The following MCTP1 variants were observed in gnomAD, a reference collection of about 807,000 sequenced individuals.
The protein encoded by MCTP1 is multiple C2 and transmembrane domain-containing protein 1.
Under a neutral mutation model 120.6 loss-of-function variants are expected in MCTP1, and 69 were observed. The observed-to-expected ratio is 0.57, with a 90% CI of 0.47 to 0.70. The LOEUF (loss-of-function observed/expected upper bound fraction) is 0.70. Ranked by LOEUF, MCTP1 falls within the 30% of genes least tolerant of loss-of-function variation. The probability of loss-of-function intolerance (pLI) is 0.00; values close to 1 mark genes in which losing one functional copy is unlikely to be tolerated. For missense variants in MCTP1, 1,203 were observed against 1,248.8 expected (o/e 0.96, Z 0.55); for synonymous variants, 529 against 493.1 (o/e 1.07, Z -0.96).
At chr5:94,936,298 A>ATT (rs1816183149) in intron 5 of MCTP1, among the ~76,000 whole-genome samples, 1 of 151,984 alleles carries the variant, frequency 6.6e-6, no homozygotes, top group South Asian at 2.1e-4. Flanking sequence ...GACTTTATGT[A>ATT]TTATATATAT....
At chr5:95,082,100 AACACAATAG>A (rs1755017629) in intron 1 of MCTP1, among the ~76,000 whole-genome samples, 2 of 152,206 alleles carry the variant, frequency 1.3e-5, no homozygotes, top group African/African-American at 4.8e-5. Flanking sequence ...CATGCTTTAC[AACACAATAG>A]AATCTCCTTC....
At chr5:94,856,086 G>A (rs142130340) in intron 17 of MCTP1, among the ~76,000 whole-genome samples, 88 of 151,704 alleles carry the variant, frequency 5.8e-4, no homozygotes, top group African/African-American at 1.8e-3. Flanking sequence ...GCTGTTAATC[G>A]TTACCTGGGG....
intron 1 of MCTP1, among the ~76,000 whole-genome samples, chr5:95,139,716 T>C (rs1225198812): frequency 6.6e-6 from 1 of 152,228 alleles, no homozygotes; most frequent in Non-Finnish European, 1.5e-5. Flanking sequence ...AGAAGCTGTT[T>C]CCTTATGAAC....
At chr5:94,969,915 C>G (rs908873727) in intron 2 of MCTP1, among the ~76,000 whole-genome samples, 6 of 151,644 alleles carry the variant, frequency 4.0e-5, no homozygotes, top group Admixed American at 6.6e-5. Context: ...CTTGTTATGC[C>G]CTAGGATGGA....
At chr5:95,056,488 C>T (rs73138097) in intron 1 of MCTP1, among the ~76,000 whole-genome samples, 6,649 of 152,150 alleles carry the variant, frequency 0.044, 345 homozygotes, top group African/African-American at 0.12. Flanking sequence ...CATTTTAAAA[C>T]ATAAAACAAT....
chr5:94,731,645 T>C (rs1370163382), intron 19 of MCTP1, among the ~76,000 whole-genome samples: 1 of 152,086 alleles, frequency 6.6e-6, no homozygotes, highest in Non-Finnish European at 1.5e-5. Flanking sequence ...CTGTGCAGAG[T>C]TGATAGAAAT....
At chr5:94,837,261 G>A (rs976511216) in intron 17 of MCTP1, among the ~76,000 whole-genome samples, 2 of 152,060 alleles carry the variant, frequency 1.3e-5, no homozygotes, top group East Asian at 1.9e-4. Flanking sequence ...CACACCTGTA[G>A]TCCCAGCTGC....
chr5:94,737,257 A>G (rs1342012640), intron 19 of MCTP1, among the ~76,000 whole-genome samples: 1 of 152,186 alleles, frequency 6.6e-6, no homozygotes, highest in Admixed American at 6.5e-5. Flanking sequence ...GAAACAGTGC[A>G]AGTAATATGC....
In MCTP1 at chr5:94,706,657, A is replaced by ATATGGATATAGTTTCC. The variant is rs1754712893; in HGVS notation, c.*823_*838dup. 1.3e-5 allele frequency: 2 copies of ATATGGATATAGTTTCC among 151,556 alleles called. No individual in the cohort carries two copies. The highest frequency in any genetic ancestry group is 3.0e-5 in the Non-Finnish European group (2 of 67,752). The allele number at this position is 151,556 out of a possible 1,614,324, so 9.4% of individuals were successfully genotyped here. A position where few individuals can be genotyped will look rare whatever the true frequency, so the allele number is the denominator to read the frequency against. Reference sequence around the variant, plus strand: ...CAGATACAATCTGACACCAAAAGCGATATGGATATAGTTTCCTAGTATTTT... The same window carrying ATATGGATATAGTTTCC: ...CAGATACAATCTGACACCAAAAGCGATATGGATATAGTTTCCTATGGATATAGTTTCCTAGTATTTT... On this transcript the variant is annotated 3_prime_UTR_variant, in exon 23 of 23. Coordinates refer to ENST00000515393, the MANE Select transcript of MCTP1 (RefSeq NM_024717.7).
intron 1 of MCTP1, among the ~76,000 whole-genome samples, chr5:95,234,481 T>C (rs1387428469): frequency 6.6e-6 from 1 of 152,156 alleles, no homozygotes; most frequent in Non-Finnish European, 1.5e-5. Flanking sequence ...ATAGTTCAGA[T>C]ACCAGTACAA....
intron 17 of MCTP1, among the ~76,000 whole-genome samples, chr5:94,800,249 T>C (rs1780934489): frequency 6.6e-6 from 1 of 152,154 alleles, no homozygotes; most frequent in Non-Finnish European, 1.5e-5. Flanking sequence ...AGTCAACTAA[T>C]TATTGATTAA....
At chr5:94,988,596 TG>T (rs530808906) in intron 2 of MCTP1, among the ~76,000 whole-genome samples, 1,574 of 128,080 alleles carry the variant, frequency 0.012, 22 homozygotes, top group African/African-American at 0.047. Context: ...TCCCTGTGTG[TG>T]TTTTTTTTTT....
chr5:95,125,533 C>G (rs1045743351), intron 1 of MCTP1, among the ~76,000 whole-genome samples: 7 of 152,188 alleles, frequency 4.6e-5, no homozygotes, highest in African/African-American at 1.4e-4. Context: ...AAGACTTTCT[C>G]TAGCCAATCT....
chr5:94,847,713 G>A (rs1334339719), intron 17 of MCTP1, among the ~76,000 whole-genome samples: 4 of 145,082 alleles, frequency 2.8e-5, no homozygotes, highest in Admixed American at 1.4e-4. Flanking sequence ...TATGTATGTT[G>A]GGGGTGTAAA....
At chr5:95,001,138 C>A (rs916469999) in intron 2 of MCTP1, among the ~76,000 whole-genome samples, 2 of 152,350 alleles carry the variant, frequency 1.3e-5, no homozygotes, top group Non-Finnish European at 2.9e-5. Flanking sequence ...CAAAGAGGCA[C>A]CTTGTGCCAT....
chr5:94,839,905 T>C (rs1385760368), intron 17 of MCTP1, among the ~76,000 whole-genome samples: 2 of 152,208 alleles, frequency 1.3e-5, no homozygotes, highest in Non-Finnish European at 2.9e-5. Context: ...TCAATAAATA[T>C]TCATTTGCCT....
chr5:95,108,493 G>A (rs889893901), intron 1 of MCTP1, among the ~76,000 whole-genome samples: 1 of 152,134 alleles, frequency 6.6e-6, no homozygotes, highest in Non-Finnish European at 1.5e-5. Flanking sequence ...TTTAAAAGTG[G>A]TAACTACAAA....
At chr5:95,113,005 A>G (rs1757566869) in intron 1 of MCTP1, among the ~76,000 whole-genome samples, 1 of 152,226 alleles carries the variant, frequency 6.6e-6, no homozygotes, top group Non-Finnish European at 1.5e-5. Flanking sequence ...TGGTTGAAAT[A>G]ATACAGTATT....
intron 12 of MCTP1, among the ~76,000 whole-genome samples, chr5:94,887,778 A>T (rs750595702): frequency 6.6e-6 from 1 of 152,178 alleles, no homozygotes; most frequent in Non-Finnish European, 1.5e-5. Flanking sequence ...AAATTTTCTC[A>T]CACATGGTCA....
Sources: allele counts gnomAD v4.1 joint callset (sites outside exome capture counted in the v4.1 genomes callset), GRCh38; gene constraint gnomAD v4.1.1; transcripts MANE v1.5; gene names NCBI Gene and HGNC (gene_info 2026-07-23, HGNC 2026-07-21).